Variants in PDE4D observed in about 807,000 individuals in gnomAD.
PDE4D encodes the protein phosphodiesterase 4D, also known as 3',5'-cyclic-AMP phosphodiesterase 4D.
PDE4D carries 24 observed loss-of-function variants against 87.4 expected under a neutral mutation model. The observed-to-expected ratio is 0.27, with a 90% CI of 0.20 to 0.39. PDE4D has a LOEUF of 0.39. Ranked by LOEUF, PDE4D falls within the 10% of genes least tolerant of loss-of-function variation. The pLI is 1.00. For missense variants in PDE4D, 714 were observed against 1,041.0 expected (o/e 0.69, Z 4.32); for synonymous variants, 384 against 383.2 (o/e 1.00, Z -0.02).
At chr5:59,276,710 A>T (rs35302311) in intron 1 of PDE4D, among the ~76,000 whole-genome samples, 5,206 of 151,360 alleles carry the variant, frequency 0.034, 134 homozygotes, top group African/African-American at 0.072. Context: ...ATTTTTTTTT[A>T]AAAAAAATGC....
intron 6 of PDE4D, among the ~76,000 whole-genome samples, chr5:59,020,665 ATT>A (rs35860266): frequency 0.13 from 19,228 of 146,508 alleles, 1,309 homozygotes; most frequent in South Asian, 0.14. Context: ...GGCTTCTGGA[ATT>A]TTTTTTTTTT....
chr5:60,133,527 G>T (rs896634006), intron 2 of PDE4D, among the ~76,000 whole-genome samples: 34 of 151,836 alleles, frequency 2.2e-4, no homozygotes, highest in African/African-American at 8.2e-4. Flanking sequence ...CTATGACACA[G>T]AGATAACCTG....
At chr5:59,848,530 T>G (rs985278796) in intron 1 of PDE4D, among the ~76,000 whole-genome samples, 1 of 151,984 alleles carries the variant, frequency 6.6e-6, no homozygotes, top group Non-Finnish European at 1.5e-5. Context: ...CATAGCAAAA[T>G]ACCTTTCTAA....
intron 1 of PDE4D, among the ~76,000 whole-genome samples, chr5:59,806,085 TTTG>T (rs1374185140): frequency 6.6e-6 from 1 of 152,218 alleles, no homozygotes; most frequent in African/African-American, 2.4e-5. Flanking sequence ...TCTCAGAATC[TTTG>T]TTATTAGCCA....
chr5:59,772,596 G>C (rs1250610581), intron 1 of PDE4D, among the ~76,000 whole-genome samples: 1 of 152,142 alleles, frequency 6.6e-6, no homozygotes, highest in Non-Finnish European at 1.5e-5. Context: ...CAAAAAGTGT[G>C]CTTTTGTCTA....
chr5:59,154,094 T>TA (rs1779831446), intron 5 of PDE4D, among the ~76,000 whole-genome samples: 1 of 152,140 alleles, frequency 6.6e-6, no homozygotes. Context: ...GGGCTTTGGG[T>TA]ACCACACGAA....
intron 1 of PDE4D, among the ~76,000 whole-genome samples, chr5:59,688,690 G>T (rs1750345002): frequency 6.6e-6 from 1 of 152,148 alleles, no homozygotes; most frequent in Admixed American, 6.6e-5. Context: ...GCATTCAAAA[G>T]CTAACAGAAG....
rs377604388 is a variant in PDE4D, at chr5:60,121,589, G to A, written c.42+63968C>T. ...TCTTGTGAGACTTATTCACGACCAC[G>A]AGAACAGTGTGGAGGAAACTGCCCC... is the stretch of plus-strand genomic sequence containing the variant. On this transcript the variant is annotated intron_variant, in intron 2 of 16. Coordinates refer to the PDE4D transcript ENST00000502484. Among the ~76,000 whole-genome samples the A allele has an allele frequency of 3.9e-4, 59 of 152,088 alleles. 1 individual carries two copies. The highest frequency in any genetic ancestry group is 2.1e-3 in the South Asian group (10 of 4,782).
At chr5:59,178,917 G>T (rs1293961933) in intron 5 of PDE4D, among the ~76,000 whole-genome samples, 1 of 152,140 alleles carries the variant, frequency 6.6e-6, no homozygotes, top group Admixed American at 6.6e-5. Context: ...CTCACTAGAG[G>T]CCTCAGGTAC....
At chr5:59,275,396 T>A in intron 1 of PDE4D, 1 of 1,596,460 alleles carries the variant, frequency 6.3e-7, no homozygotes. Flanking sequence ...TTCATAATAA[T>A]GCTCATTTTG....
intron 1 of PDE4D, among the ~76,000 whole-genome samples, chr5:59,827,495 A>T (rs1400734484): frequency 6.6e-6 from 1 of 152,190 alleles, no homozygotes; most frequent in East Asian, 1.9e-4. Flanking sequence ...GTTCAACTGC[A>T]CATCTTGCTG....
chr5:59,712,676 C>T (rs1754388682), intron 1 of PDE4D, among the ~76,000 whole-genome samples: 1 of 150,994 alleles, frequency 6.6e-6, no homozygotes, highest in South Asian at 2.1e-4. Flanking sequence ...TGTATATACG[C>T]TATAGGGTTA....
At chr5:60,510,625 T>TA (rs1380366885) in intron 1 of PDE4D, among the ~76,000 whole-genome samples, 1 of 152,168 alleles carries the variant, frequency 6.6e-6, no homozygotes, top group Non-Finnish European at 1.5e-5. Context: ...CAGGAGGTGA[T>TA]ACAGCTGGAA....
chr5:59,469,435 A>C (rs1802096306), intron 1 of PDE4D, among the ~76,000 whole-genome samples: 1 of 152,202 alleles, frequency 6.6e-6, no homozygotes, highest in South Asian at 2.1e-4. Flanking sequence ...AAAAAGAATA[A>C]ATAATAAGTG....
At chr5:60,130,956 A>G (rs1346857778) in intron 2 of PDE4D, among the ~76,000 whole-genome samples, 2 of 152,160 alleles carry the variant, frequency 1.3e-5, no homozygotes, top group Admixed American at 1.3e-4. Context: ...TTTTATGACT[A>G]TGTAAAGATT....
In PDE4D at chr5:60,226,838, C is replaced by T. The variant is rs564317924; in HGVS notation, c.-89-41151G>A. On this transcript the variant is annotated intron_variant, in intron 1 of 16. Transcript: ENST00000502484. ...TCTTTGTTAATTTCTACACATCACA[C>T]ACACACACACACACACACCACCTGG... Among the ~76,000 whole-genome samples, 208 of 151,832 alleles carry T rather than the reference C, an allele frequency of 1.4e-3. 1 individual carries two copies. Among genetic ancestry groups the T allele is most frequent in the Non-Finnish European group, 2.5e-3 (173 of 67,870 alleles).
chr5:59,126,783 G>A (rs920844789), intron 5 of PDE4D, among the ~76,000 whole-genome samples: 2 of 152,138 alleles, frequency 1.3e-5, no homozygotes, highest in African/African-American at 4.8e-5. Context: ...ATTAAAATCA[G>A]ATCAGCAAAA....
At chr5:59,560,037 A>T (rs944023436) in intron 1 of PDE4D, among the ~76,000 whole-genome samples, 3 of 152,166 alleles carry the variant, frequency 2.0e-5, no homozygotes, top group Non-Finnish European at 4.4e-5. Context: ...TTTCCAAAGC[A>T]CAAGGGCAGC....
intron 1 of PDE4D, among the ~76,000 whole-genome samples, chr5:59,568,063 C>G (rs891751821): frequency 6.6e-6 from 1 of 152,122 alleles, no homozygotes; most frequent in African/African-American, 2.4e-5. Context: ...AACGTGTGCT[C>G]CTTGGAGAAA....
Sources: gnomAD v4.1 joint callset for allele counts (sites outside exome capture counted in the v4.1 genomes callset) on GRCh38, gnomAD v4.1.1 for gene constraint, MANE v1.5 for transcripts, NCBI Gene and HGNC (gene_info 2026-07-23, HGNC 2026-07-21) for gene names.